The following CNTNAP4 variants were observed in gnomAD, a reference collection of about 807,000 sequenced individuals.
CNTNAP4 encodes contactin associated protein family member 4.
In CNTNAP4, 98 loss-of-function variants were observed where a neutral mutation model predicts 148.4. That is an observed-to-expected ratio of 0.66 (90% confidence interval 0.56 to 0.78). The LOEUF (loss-of-function observed/expected upper bound fraction) is 0.78. Ranked by LOEUF, CNTNAP4 falls within the 30% of genes least tolerant of loss-of-function variation. CNTNAP4 has a pLI of 0.00. For synonymous variants in CNTNAP4, 730 were observed against 565.1 expected (o/e 1.29, Z -4.14); for missense variants, 1,935 against 1,565.6 (o/e 1.24, Z -3.98).
chr16:76,495,120 T>C (rs1281230180), intron 14 of CNTNAP4, 54 bp downstream of exon 14: 1 of 1,583,584 alleles, frequency 6.3e-7, no homozygotes, highest in Non-Finnish European at 8.6e-7. Flanking sequence ...AAAAAATTAA[T>C]CACTCAAAGT....
chr16:76,376,434 A>G (rs2015419507), intron 3 of CNTNAP4, among the ~76,000 whole-genome samples: 1 of 152,224 alleles, frequency 6.6e-6, no homozygotes, highest in East Asian at 1.9e-4. Flanking sequence ...CTTGGAAGAG[A>G]CATGTCTTCT....
intron 2 of CNTNAP4, among the ~76,000 whole-genome samples, chr16:76,344,246 A>G (rs1398089021): frequency 1.3e-5 from 2 of 152,152 alleles, no homozygotes; most frequent in Non-Finnish European, 2.9e-5. Flanking sequence ...TGTAGAAAAA[A>G]TCATTGTGAT....
intron 3 of CNTNAP4, among the ~76,000 whole-genome samples, chr16:76,385,572 G>A (rs1405838784): frequency 6.7e-6 from 1 of 149,998 alleles, no homozygotes; most frequent in Non-Finnish European, 1.5e-5. Context: ...GTGTGTGTGT[G>A]TGTGTAGAGA....
chr16:76,529,380 G>A lies in CNTNAP4; in HGVS notation c.2756-6165G>A, dbSNP rs143533754. The stretch of plus-strand genomic sequence containing the variant: ...CACGTGCCCTTGACTTGCTAACACT[G>A]AGGACTTAGCATCCAGTCACTGCTG... On this transcript the variant is annotated intron_variant, in intron 17 of 23. Coordinates refer to ENST00000611870, the MANE Select transcript of CNTNAP4 (RefSeq NM_033401.5). 1.2e-3 allele frequency among the ~76,000 whole-genome samples: 178 copies of A among 152,248 alleles called. 2 individuals are homozygous for A. Among genetic ancestry groups the A allele is most frequent in the African/African-American group, 4.1e-3 (172 of 41,558 alleles).
At chr16:76,375,860 G>A (rs2015362797) in intron 3 of CNTNAP4, among the ~76,000 whole-genome samples, 1 of 152,190 alleles carries the variant, frequency 6.6e-6, no homozygotes, top group Admixed American at 6.5e-5. Context: ...AGATGAGATG[G>A]AAGGCGATGA....
chr16:76,353,159 G>A (rs1452642800), intron 2 of CNTNAP4, among the ~76,000 whole-genome samples: 1 of 152,068 alleles, frequency 6.6e-6, no homozygotes, highest in Non-Finnish European at 1.5e-5. Context: ...CCACAAAAGA[G>A]GAAGAGCATT....
At chr16:76,348,058 T>C (rs72628205) in intron 2 of CNTNAP4, among the ~76,000 whole-genome samples, 21,929 of 152,058 alleles carry the variant, frequency 0.14, 2,281 homozygotes, top group East Asian at 0.38. Flanking sequence ...TTGAATAATA[T>C]GGCCTGAATC....
chr16:76,335,480 C>G (rs1348631850), intron 2 of CNTNAP4, among the ~76,000 whole-genome samples: 13 of 152,162 alleles, frequency 8.5e-5, no homozygotes, highest in Non-Finnish European at 8.8e-5. Flanking sequence ...TCCCTTTTAT[C>G]CCTTTCCTAC....
chr16:76,293,193 C>T (rs974614888), intron 1 of CNTNAP4, among the ~76,000 whole-genome samples: 2 of 151,678 alleles, frequency 1.3e-5, no homozygotes, highest in Non-Finnish European at 2.9e-5. Flanking sequence ...GGTGCAATCT[C>T]GGCTAACTGC....
intron 3 of CNTNAP4, among the ~76,000 whole-genome samples, chr16:76,366,246 A>T (rs376110406): frequency 6.6e-6 from 1 of 152,158 alleles, no homozygotes; most frequent in Admixed American, 6.5e-5. Context: ...TAAGCCTGGT[A>T]CCCAATAGTT....
chr16:76,460,184 C>G (rs927288163), intron 8 of CNTNAP4, among the ~76,000 whole-genome samples: 6 of 151,888 alleles, frequency 4.0e-5, no homozygotes, highest in Admixed American at 3.3e-4. Context: ...CTCGGCTCAC[C>G]GCAACCTTTG....
At chr16:76,446,826 C>T (rs938025167) in intron 4 of CNTNAP4, among the ~76,000 whole-genome samples, 12 of 152,046 alleles carry the variant, frequency 7.9e-5, no homozygotes, top group Non-Finnish European at 4.4e-5. Context: ...GTATAGACCT[C>T]GTTAACATAC....
intron 3 of CNTNAP4, among the ~76,000 whole-genome samples, chr16:76,390,408 GACT>G (rs944633093): frequency 2.0e-5 from 3 of 151,952 alleles, no homozygotes; most frequent in Non-Finnish European, 4.4e-5. Flanking sequence ...TTGGGGTCTG[GACT>G]ATATCCTTTT....
intron 3 of CNTNAP4, among the ~76,000 whole-genome samples, chr16:76,413,537 A>G (rs996387204): frequency 6.8e-6 from 1 of 147,122 alleles, no homozygotes; most frequent in African/African-American, 2.5e-5. Context: ...CTTATTTTCT[A>G]TAACATTATA....
intron 3 of CNTNAP4, among the ~76,000 whole-genome samples, chr16:76,357,806 T>C (rs2012884370): frequency 6.6e-6 from 1 of 152,212 alleles, no homozygotes; most frequent in Non-Finnish European, 1.5e-5. Context: ...CAATTTAATA[T>C]ACCAGTTAGA....
Position 76,479,434 on chromosome 16 carries a change from C to A in CNTNAP4, c.1778C>A (p.Ser593Ter). 2 of 1,602,208 alleles carry A rather than the reference C, an allele frequency of 1.2e-6. No individual in the cohort carries two copies. The highest frequency in any genetic ancestry group is 1.7e-6 in the Non-Finnish European group (2 of 1,174,850). ...TTTCTTAAAGCTATCTATGAGCAGT[C>A]ATGTGAAGCCTATAAGCACAGAGGA... ...ATCHNSIYEQ[S>*]CEAYKHRGNT... Residue 593 changes from serine (S) to a stop codon, truncating the protein, a stop_gained, in exon 12 of 24, where the codon TCA (serine) becomes TAA (stop). Transcript: ENST00000611870. LOFTEE classifies it high-confidence loss of function.
intron 2 of CNTNAP4, among the ~76,000 whole-genome samples, chr16:76,340,793 A>G (rs1441664732): frequency 6.6e-6 from 1 of 152,170 alleles, no homozygotes; most frequent in Non-Finnish European, 1.5e-5. Context: ...GATTAATACA[A>G]CAACCCCAAG....
intron 2 of CNTNAP4, among the ~76,000 whole-genome samples, chr16:76,333,127 GTGGTCTTGTCACCTAGAAATCTC>G (rs1963687526): frequency 6.6e-6 from 1 of 152,170 alleles, no homozygotes; most frequent in African/African-American, 2.4e-5. Flanking sequence ...CTGTGCTGAG[GTGGTCTTGTCACCTAGAAATCTC>G]TGGGCTAGGG....
At chr16:76,328,651 G>T (rs561912482) in intron 2 of CNTNAP4, among the ~76,000 whole-genome samples, 3 of 146,900 alleles carry the variant, frequency 2.0e-5, no homozygotes, top group African/African-American at 7.4e-5. Context: ...TGTAAGGTGT[G>T]TTTTTTTTTT....
Sources: allele counts gnomAD v4.1 joint callset (sites outside exome capture counted in the v4.1 genomes callset), GRCh38; gene constraint gnomAD v4.1.1; transcripts MANE v1.5; gene names NCBI Gene and HGNC (gene_info 2026-07-23, HGNC 2026-07-21).